TTC3: variants seen among roughly 807,000 people sequenced by gnomAD.
The protein encoded by TTC3 is tetratricopeptide repeat domain 3, also known as E3 ubiquitin-protein ligase TTC3.
Under a neutral mutation model 249.6 loss-of-function variants are expected in TTC3, and 180 were observed. The ratio of observed to expected loss-of-function variants is 0.72; its 90% CI spans 0.64 to 0.82. TTC3 has a LOEUF of 0.82. TTC3 is among the 40% of genes least tolerant of loss of function. TTC3 has a pLI of 0.00. For missense variants in TTC3, 2,061 were observed against 2,398.4 expected, an observed-to-expected ratio of 0.86 and a Z score of 2.94; for synonymous variants, 717 against 805.0, an observed-to-expected ratio of 0.89 and a Z score of 1.85.
exon 7 of TTC3, chr21:37,091,403 C>T: frequency 6.2e-7 from 1 of 1,607,288 alleles, no homozygotes. Context: ...TAAGTATTTT[C>T]TTTACTGAAT....
intron 34 of TTC3, 134 bp from the exon 35 acceptor site, chr21:37,172,461 A>T: frequency 1.0e-6 from 1 of 979,646 alleles, no homozygotes; most frequent in Non-Finnish European, 1.5e-6. Flanking sequence ...TTCCTGAATG[A>T]TTGTGACATT....
Position 37,151,782 on chromosome 21 carries a change from G to A in TTC3, c.2277-111G>A, listed in dbSNP as rs1000426451. The A allele has an allele frequency of 4.5e-5, 54 of 1,210,988 alleles. 1 individual carries two copies. The highest frequency in any genetic ancestry group is 3.0e-4 in the South Asian group (15 of 50,320). The allele number at this position is 1,210,988 out of a possible 1,614,324, so 75.0% of individuals were successfully genotyped here. On this transcript the variant is annotated intron_variant, in intron 25 of 45. Transcript: ENST00000355666. ...TTACATTGAATGGAAGATGTAGGCC[G>A]GGCTCTGATTAAAAAAGGAAAACTT...
At chr21:37,195,277 A>C (rs1335678396) in intron 41 of TTC3, among the ~76,000 whole-genome samples, 2 of 152,130 alleles carry the variant, frequency 1.3e-5, no homozygotes, top group Non-Finnish European at 1.5e-5. Context: ...AGGGAAGAGG[A>C]GGCGGCCCCC....
At chr21:37,143,559 G>A (rs1421369481) in intron 20 of TTC3, among the ~76,000 whole-genome samples, 1 of 151,968 alleles carries the variant, frequency 6.6e-6, no homozygotes, top group East Asian at 1.9e-4. Context: ...TCTCACACCA[G>A]TTAGAATGGC....
Position 37,109,282 on chromosome 21 carries a change from C to T in TTC3, c.900+836C>T, listed in dbSNP as rs1355278313. Among the ~76,000 whole-genome samples the T allele has an allele frequency of 7.9e-5, 12 of 152,284 alleles. No homozygotes were observed. In the South Asian group the frequency reaches 8.3e-4, roughly 11 times the overall value. On this transcript the variant is annotated intron_variant, in intron 11 of 45. Coordinates refer to ENST00000355666, the Ensembl canonical transcript of TTC3. Reference sequence around the variant, plus strand: ...GTGAGGCATGGCCTCACCGGGGAAGCGCAAGGGGTCAGGGAATTCCCTTTC... The same window carrying T: ...GTGAGGCATGGCCTCACCGGGGAAGTGCAAGGGGTCAGGGAATTCCCTTTC...
intron 1 of TTC3, 55 bp from the exon 2 acceptor site, chr21:37,087,192 C>T: frequency 2.5e-6 from 4 of 1,580,780 alleles, no homozygotes; most frequent in Non-Finnish European, 2.6e-6. Context: ...GGAAAACTTT[C>T]TTCTGTTATC....
intron 18 of TTC3, 118 bp from the exon 19 acceptor site, chr21:37,138,516 A>G (rs913596707): frequency 7.6e-6 from 5 of 660,268 alleles, no homozygotes; most frequent in Admixed American, 5.0e-5. Flanking sequence ...TTTTATGACA[A>G]TCATTGATTC....
chr21:37,073,334 C>CT (rs2070295424), exon 1 of TTC3: 3 of 590,300 alleles, frequency 5.1e-6, no homozygotes, highest in East Asian at 1.4e-4. Flanking sequence ...TGCTGCTGCC[C>CT]GCGTCCGAGG....
At chr21:37,144,768 CTCTA>C in intron 21 of TTC3, 123 bp downstream of exon 21, 1 of 1,175,618 alleles carries the variant, frequency 8.5e-7, no homozygotes, top group South Asian at 1.7e-5. Flanking sequence ...CGCATTTCCC[CTCTA>C]CTGTCTAATG....
rs768465267 is a variant in TTC3 at position 37,187,028 on chromosome 21, T to G, written c.4827-21T>G. On this transcript the variant is annotated intron_variant, in intron 37 of 45. Transcript: ENST00000355666. ...TGAAATTTTGTTCAAGAAAGTTTTT[T>G]TTTTCCTTCAATATTTGTAGCAACA... The G allele has an allele frequency of 6.6e-6, 10 of 1,505,274 alleles. No homozygotes were observed. The South Asian group carries it at 1.1e-4, about 16-fold the overall frequency. The allele number at this position is 1,505,274 out of a possible 1,614,324, so 93.2% of individuals were successfully genotyped here. A position where few individuals can be genotyped will look rare whatever the true frequency, so the allele number is the denominator to read the frequency against.
intron 11 of TTC3, among the ~76,000 whole-genome samples, chr21:37,115,340 T>C (rs2076051729): frequency 6.6e-6 from 1 of 152,146 alleles, no homozygotes. Context: ...TCATATTGTC[T>C]GAGTCCTTCA....
At chr21:37,111,283 G>A (rs139321610) in intron 11 of TTC3, among the ~76,000 whole-genome samples, 23 of 152,088 alleles carry the variant, frequency 1.5e-4, no homozygotes, top group Non-Finnish European at 7.4e-5. Flanking sequence ...AGTCAAGACC[G>A]ATCAGTGTGC....
Position 37,082,484 on chromosome 21 carries a change from C to T in TTC3, c.-11-4763C>T, listed in dbSNP as rs2071830960. On this transcript the variant is annotated intron_variant, in intron 1 of 45. Coordinates refer to ENST00000355666, the Ensembl canonical transcript of TTC3. ...TGCTTTCTGAAAGCATTTCTATCAG[C>T]TTTGTCTGGGAGCCAGAAAGTTTAG... The T allele has an allele frequency of 5.1e-6, 5 of 985,316 alleles. No homozygotes were observed. In the South Asian group the frequency reaches 2.4e-4, roughly 46 times the overall value. The allele number at this position is 985,316 out of a possible 1,614,324, so 61.0% of individuals were successfully genotyped here. A position where few individuals can be genotyped will look rare whatever the true frequency, so the allele number is the denominator to read the frequency against.
At chr21:37,129,731 A>T (rs898096566) in intron 16 of TTC3, among the ~76,000 whole-genome samples, 7 of 152,040 alleles carry the variant, frequency 4.6e-5, no homozygotes, top group African/African-American at 1.2e-4. Context: ...CCTAGACTCT[A>T]GTGATTCTTT....
intron 21 of TTC3, among the ~76,000 whole-genome samples, chr21:37,145,132 C>G (rs1424774098): frequency 2.6e-5 from 4 of 152,168 alleles, no homozygotes; most frequent in Non-Finnish European, 5.9e-5. Context: ...TGAATTTAGT[C>G]TCATATCCAG....
exon 4 of TTC3, chr21:37,088,321 C>G: frequency 6.2e-7 from 1 of 1,612,816 alleles, no homozygotes; most frequent in Non-Finnish European, 8.5e-7. Context: ...CGTAATATCA[C>G]GATTGCATCC....
chr21:37,079,623 C>G (rs1253122163), intron 1 of TTC3, among the ~76,000 whole-genome samples: 1 of 144,718 alleles, frequency 6.9e-6, no homozygotes, highest in African/African-American at 2.6e-5. Flanking sequence ...CCTCTGCCTC[C>G]TGAGTTCAAG....
rs2076628120 is a variant in TTC3 at position 37,122,062 on chromosome 21, C to T, written c.1063+83C>T. On this transcript the variant is annotated intron_variant, in intron 12 of 45. Transcript: ENST00000355666. Reference sequence around the variant, plus strand: ...GTGGGTTTCTTGGATTAACAGAGGACCACAAATCAATCCTCAGATGATTTA... The same window carrying T: ...GTGGGTTTCTTGGATTAACAGAGGATCACAAATCAATCCTCAGATGATTTA... The T allele has an allele frequency of 2.3e-6, 3 of 1,279,292 alleles. No homozygotes were observed. In the Admixed American group the frequency reaches 7.6e-5, roughly 32 times the overall value. The allele number at this position is 1,279,292 out of a possible 1,614,324, so 79.2% of individuals were successfully genotyped here.
intron 10 of TTC3, among the ~76,000 whole-genome samples, chr21:37,103,634 T>C (rs1371954347): frequency 6.6e-6 from 1 of 152,184 alleles, no homozygotes; most frequent in Non-Finnish European, 1.5e-5. Context: ...CTGTTTGTAG[T>C]GCTATATATT....
Sources: allele counts gnomAD v4.1 joint callset (sites outside exome capture counted in the v4.1 genomes callset), GRCh38; gene constraint gnomAD v4.1.1; transcripts MANE v1.5; gene names NCBI Gene and HGNC (gene_info 2026-07-23, HGNC 2026-07-21).